The following INPP4B variants were observed in gnomAD, a reference collection of about 807,000 sequenced individuals.
INPP4B encodes the protein inositol polyphosphate-4-phosphatase type II B.
Under a neutral mutation model 122.5 loss-of-function variants are expected in INPP4B, and 55 were observed. That is an observed-to-expected ratio of 0.45 (90% CI 0.36 to 0.56). The LOEUF (loss-of-function observed/expected upper bound fraction) is 0.56, where lower values mean the gene tolerates loss of function less well. INPP4B is among the 20% of genes least tolerant of loss of function. The pLI, the probability that INPP4B is intolerant of heterozygous loss-of-function variation, is 0.00. For synonymous variants in INPP4B, 403 were observed against 388.7 expected, an observed-to-expected ratio of 1.04 and a Z score of -0.43; for missense variants, 1,000 against 1,097.7, an observed-to-expected ratio of 0.91 and a Z score of 1.26.
intron 25 of INPP4B, among the ~76,000 whole-genome samples, chr4:142,039,288 C>T (rs1382313996): frequency 6.6e-6 from 1 of 152,070 alleles, no homozygotes; most frequent in African/African-American, 2.4e-5. Context: ...ATTGTTCATG[C>T]TCAGTCTTAT....
chr4:142,275,803 G>T (rs540334182), intron 9 of INPP4B, among the ~76,000 whole-genome samples: 1 of 151,690 alleles, frequency 6.6e-6, no homozygotes, highest in East Asian at 1.9e-4. Context: ...TCTTTTCTCA[G>T]TATAGGCTCA....
chr4:142,579,245 G>A (rs760677510), intron 2 of INPP4B, among the ~76,000 whole-genome samples: 5 of 152,016 alleles, frequency 3.3e-5, no homozygotes, highest in Admixed American at 6.6e-5. Flanking sequence ...GATAAATGCT[G>A]TGAAGGAGAT....
At chr4:142,241,301 AGTT>A (rs1166270511) in intron 11 of INPP4B, among the ~76,000 whole-genome samples, 6 of 152,192 alleles carry the variant, frequency 3.9e-5, no homozygotes, top group African/African-American at 1.4e-4. Flanking sequence ...AAAGAAAAGT[AGTT>A]GAGACATTTT....
At chr4:142,542,594 A>T (rs1219820327) in intron 2 of INPP4B, among the ~76,000 whole-genome samples, 1 of 152,202 alleles carries the variant, frequency 6.6e-6, no homozygotes, top group East Asian at 1.9e-4. Context: ...TTATTCCAGG[A>T]TTATGGAGTT....
intron 1 of INPP4B, among the ~76,000 whole-genome samples, chr4:142,832,358 G>T (rs960265114): frequency 3.3e-5 from 5 of 152,060 alleles, no homozygotes; most frequent in Admixed American, 1.3e-4. Context: ...CCAATTCCTG[G>T]GCAATTTTAT....
At chr4:142,322,218 G>C (rs549601356) in intron 7 of INPP4B, among the ~76,000 whole-genome samples, 4 of 152,188 alleles carry the variant, frequency 2.6e-5, no homozygotes, top group African/African-American at 7.2e-5. Flanking sequence ...AGAAAATGAT[G>C]CATGTACAAA....
chr4:142,818,024 A>G (rs1780331410), intron 1 of INPP4B, among the ~76,000 whole-genome samples: 1 of 152,166 alleles, frequency 6.6e-6, no homozygotes, highest in Non-Finnish European at 1.5e-5. Context: ...GAGAGGAAGA[A>G]AACATTTAAG....
At chr4:142,406,579 T>A (rs1803422001) in intron 5 of INPP4B, among the ~76,000 whole-genome samples, 1 of 152,218 alleles carries the variant, frequency 6.6e-6, no homozygotes, top group Non-Finnish European at 1.5e-5. Flanking sequence ...CCAGTTCAAA[T>A]AGCTAGGCAA....
rs115163000 is a variant in INPP4B at position 142,540,703 on chromosome 4, G to C, written c.-190-77977C>G. Among the ~76,000 whole-genome samples the C allele has an allele frequency of 4.1e-3, 628 of 152,238 alleles. 6 individuals carry two copies. The highest frequency in any genetic ancestry group is 0.014 in the African/African-American group (590 of 41,554). On this transcript the variant is annotated intron_variant, in intron 2 of 25. Coordinates refer to ENST00000262992, the MANE Select transcript of INPP4B (RefSeq NM_001101669.3). ...ACGAATATTCTAGGAATCATGCATA[G>C]TGCTTTAAATACATCATTTTATTTT...
intron 12 of INPP4B, among the ~76,000 whole-genome samples, chr4:142,221,172 A>T (rs1327904263): frequency 1.3e-5 from 2 of 151,918 alleles, no homozygotes; most frequent in East Asian, 1.9e-4. Context: ...GGCCGAGGCG[A>T]GTGGATCACG....
chr4:142,379,858 T>C (rs1015029671), intron 7 of INPP4B, among the ~76,000 whole-genome samples: 33 of 152,198 alleles, frequency 2.2e-4, no homozygotes, highest in African/African-American at 6.8e-4. Context: ...TGAGGGTTCA[T>C]ATGCATCCAC....
intron 5 of INPP4B, among the ~76,000 whole-genome samples, chr4:142,405,788 T>G (rs1040626703): frequency 6.6e-6 from 1 of 152,224 alleles, no homozygotes; most frequent in Middle Eastern, 3.4e-3. Context: ...TCACTAGAAC[T>G]GGCCTCCCAC....
At chr4:142,366,853 G>C (rs1239401731) in intron 7 of INPP4B, among the ~76,000 whole-genome samples, 2 of 152,150 alleles carry the variant, frequency 1.3e-5, no homozygotes, top group Non-Finnish European at 2.9e-5. Context: ...TGCTGTATCA[G>C]TCAGGGCCTG....
chr4:142,162,865 T>C (rs980731592), intron 16 of INPP4B, among the ~76,000 whole-genome samples: 1 of 151,958 alleles, frequency 6.6e-6, no homozygotes, highest in African/African-American at 2.4e-5. Context: ...TTTGTGTCTG[T>C]ACTGACAAAA....
intron 7 of INPP4B, among the ~76,000 whole-genome samples, chr4:142,391,919 T>C (rs939220694): frequency 1.3e-5 from 2 of 152,208 alleles, no homozygotes; most frequent in African/African-American, 4.8e-5. Context: ...TTTCTGATTG[T>C]ATAAAAGCTT....
intron 2 of INPP4B, among the ~76,000 whole-genome samples, chr4:142,470,387 C>A (rs1818591699): frequency 6.6e-6 from 1 of 152,152 alleles, no homozygotes. Flanking sequence ...AACAGTATTT[C>A]ATCTAACAAA....
rs143477593 is a variant in INPP4B, at chr4:142,024,432, A to C, written c.*4350T>G. 75 of 152,302 alleles carry C rather than the reference A, an allele frequency of 4.9e-4. 2 individuals are homozygous for C. The highest frequency in any genetic ancestry group is 1.6e-3 in the African/African-American group (68 of 41,582). 9.4% of individuals were successfully genotyped at this position (152,302 alleles called of 1,614,324 possible). On this transcript the variant is annotated 3_prime_UTR_variant, in exon 26 of 26. Coordinates refer to ENST00000262992, the MANE Select transcript of INPP4B (RefSeq NM_001101669.3). ...TGCATAATTTTTAAGGCCTCCAGCT[A>C]CTATGATGCCTTGTGTTCAATATGT...
At chr4:142,392,018 G>A (rs1321478731) in intron 7 of INPP4B, among the ~76,000 whole-genome samples, 1 of 152,162 alleles carries the variant, frequency 6.6e-6, no homozygotes, top group Non-Finnish European at 1.5e-5. Flanking sequence ...ATGGTTCACT[G>A]AGGACAGTCA....
Position 142,112,658 on chromosome 4 carries a change from C to T in INPP4B, c.2160G>A (p.Lys720=). The T allele has an allele frequency of 1.2e-6, 2 of 1,612,906 alleles. No individual in the cohort carries two copies. The highest frequency in any genetic ancestry group is 1.7e-6 in the Non-Finnish European group (2 of 1,179,390). The change falls in exon 22 of 26, where the codon AAG becomes AAA. Residue 720 remains lysine (K), a synonymous_variant. Transcript: ENST00000262992. ...GRREHYVVEV[K]LPARMFESLP... Reference sequence around the variant, plus strand: ...GTGACTCAAACATTCTGGCTGGAAGCTTGACCTCTACCACGTAATGTTCTC... The same window carrying T: ...GTGACTCAAACATTCTGGCTGGAAGTTTGACCTCTACCACGTAATGTTCTC...
Sources: gnomAD v4.1 joint callset for allele counts (sites outside exome capture counted in the v4.1 genomes callset) on GRCh38, gnomAD v4.1.1 for gene constraint, MANE v1.5 for transcripts, NCBI Gene and HGNC (gene_info 2026-07-23, HGNC 2026-07-21) for gene names.